The following PCMT1 variants were observed in gnomAD, a reference collection of about 807,000 sequenced individuals.
The protein encoded by PCMT1 is protein-L-isoaspartate(D-aspartate) O-methyltransferase.
Under a neutral mutation model 29.2 loss-of-function variants are expected in PCMT1, and 9 were observed. The observed-to-expected ratio is 0.31, with a 90% CI of 0.19 to 0.54. The LOEUF (loss-of-function observed/expected upper bound fraction) is 0.54, where lower values mean the gene tolerates loss of function less well. PCMT1 is among the 20% of genes least tolerant of loss of function. The pLI is 0.95. For missense variants in PCMT1, 184 were observed against 282.2 expected (o/e 0.65, Z 2.49); for synonymous variants, 98 against 97.5 (o/e 1.00, Z -0.03).
chr6:149,776,527 T>G (rs1245293656), intron 3 of PCMT1, among the ~76,000 whole-genome samples: 2 of 152,234 alleles, frequency 1.3e-5, no homozygotes, highest in East Asian at 3.9e-4. Flanking sequence ...TCCACCCGCC[T>G]TGGCCTCCCA....
intron 1 of PCMT1, among the ~76,000 whole-genome samples, chr6:149,761,026 A>AGTGTGT (rs57501586): frequency 4.1e-4 from 62 of 149,750 alleles, no homozygotes; most frequent in African/African-American, 1.3e-3. Flanking sequence ...CAGGTAAAAA[A>AGTGTGT]GTGTGTGTGT....
intron 1 of PCMT1, among the ~76,000 whole-genome samples, chr6:149,761,931 A>G (rs556980038): frequency 1.3e-5 from 2 of 152,314 alleles, no homozygotes; most frequent in South Asian, 2.1e-4. Context: ...GATGTAGTGT[A>G]TTGAGTTTAT....
intron 4 of PCMT1, among the ~76,000 whole-genome samples, chr6:149,790,493 T>C (rs1462894780): frequency 1.3e-5 from 2 of 151,374 alleles, no homozygotes; most frequent in Non-Finnish European, 2.9e-5. Context: ...CAGAAAAGAA[T>C]AGAATAAGCC....
intron 4 of PCMT1, among the ~76,000 whole-genome samples, chr6:149,790,516 C>CTTT (rs80356200): frequency 8.0e-5 from 11 of 137,220 alleles, no homozygotes; most frequent in African/African-American, 2.1e-4. Context: ...GTTTTCTTTT[C>CTTT]TTTTTTTTTT....
chr6:149,764,287 C>G (rs1318453580), intron 1 of PCMT1, among the ~76,000 whole-genome samples: 4 of 152,140 alleles, frequency 2.6e-5, no homozygotes, highest in African/African-American at 9.7e-5. Context: ...CTTAACTAGT[C>G]TTTCTAACCT....
At chr6:149,786,089 C>G (rs1414531402) in intron 3 of PCMT1, among the ~76,000 whole-genome samples, 1 of 142,452 alleles carries the variant, frequency 7.0e-6, no homozygotes, top group Non-Finnish European at 1.5e-5. Context: ...CAGAGGAGCT[C>G]CTCCTTCCCA....
In PCMT1 at chr6:149,810,706, C is replaced by T; in HGVS notation, c.*128C>T. On this transcript the variant is annotated 3_prime_UTR_variant, in exon 8 of 8. Transcript: ENST00000464889. ...CCTCAAAGCTTTTTGAAAACCAACA[C>T]CATCACAGCTTGTTTTGGACTTTGT... The T allele has an allele frequency of 1.9e-6, 2 of 1,060,350 alleles. No homozygotes were observed. The highest frequency in any genetic ancestry group is 2.8e-6 in the Non-Finnish European group (2 of 705,658). The allele number at this position is 1,060,350 out of a possible 1,614,324, so 65.7% of individuals were successfully genotyped here.
At position 149,762,903 on chromosome 6, in the gene PCMT1, T is replaced by TATATCTATGATATATATATCTATG. The variant is rs1786871914; in HGVS notation, c.56-8254_56-8231dup. Among the ~76,000 whole-genome samples, 2 of 58,742 alleles carry TATATCTATGATATATATATCTATG rather than the reference T, an allele frequency of 3.4e-5. 1 individual carries two copies. Among genetic ancestry groups the TATATCTATGATATATATATCTATG allele is most frequent in the South Asian group, 1.0e-3 (2 of 1,960 alleles). 38.5% of individuals were successfully genotyped at this position (58,742 alleles called of 152,430 possible). A position where few individuals can be genotyped will look rare whatever the true frequency, so the allele number is the denominator to read the frequency against. On this transcript the variant is annotated intron_variant, in intron 1 of 7. Transcript: ENST00000464889. ...ATATATGTTATATATATCTATGATA[T>TATATCTATGATATATATATCTATG]ATATCTATGATATATATATCTATGA... is the stretch of plus-strand genomic sequence containing the variant.
chr6:149,758,504 C>T (rs1786610784), intron 1 of PCMT1, among the ~76,000 whole-genome samples: 1 of 152,002 alleles, frequency 6.6e-6, no homozygotes, highest in Admixed American at 6.6e-5. Flanking sequence ...GCCACTGCAC[C>T]TGGCCCAATT....
intron 1 of PCMT1, among the ~76,000 whole-genome samples, chr6:149,756,982 C>G (rs1317500119): frequency 1.3e-5 from 2 of 151,844 alleles, no homozygotes; most frequent in African/African-American, 2.4e-5. Context: ...ATGCGAAAAC[C>G]CGTCTCTACT....
At chr6:149,779,353 C>A (rs1416405103) in intron 3 of PCMT1, among the ~76,000 whole-genome samples, 2 of 152,150 alleles carry the variant, frequency 1.3e-5, no homozygotes, top group African/African-American at 4.8e-5. Flanking sequence ...CCACAAACTG[C>A]TTAAAAGGTG....
intron 5 of PCMT1, chr6:149,795,356 C>T (rs1287550112): frequency 5.1e-6 from 2 of 392,672 alleles, no homozygotes; most frequent in Non-Finnish European, 9.9e-6. Flanking sequence ...ACTAGTCAGT[C>T]AAGTTTAGAT....
intron 2 of PCMT1, 77 bp from the exon 3 acceptor site, chr6:149,773,061 G>A: frequency 9.3e-7 from 1 of 1,076,876 alleles, no homozygotes; most frequent in Non-Finnish European, 1.4e-6. Flanking sequence ...ATAACGTATG[G>A]ATGGTAGAAA....
chr6:149,809,565 T>A (rs1434693798), intron 7 of PCMT1, among the ~76,000 whole-genome samples: 4 of 152,280 alleles, frequency 2.6e-5, no homozygotes, highest in East Asian at 3.9e-4. Context: ...TTGCACAATT[T>A]ACAAAATTTA....
rs1206088190 is a variant in PCMT1, at chr6:149,749,751, C to T, written c.-151C>T. On this transcript the variant is annotated 5_prime_UTR_variant, in exon 1 of 8. Coordinates refer to ENST00000464889, the MANE Select transcript of PCMT1 (RefSeq NM_001360452.2). ...GGATGCCGGGAGCGCGCAGTGGCGG[C>T]AGCGGCGGCGACGGCAGTAACAGCG... is the stretch of plus-strand genomic sequence containing the variant. The T allele has an allele frequency of 3.9e-6, 6 of 1,545,542 alleles. No individual in the cohort carries two copies. In the African/African-American group the frequency reaches 5.5e-5, roughly 14 times the overall value.
intron 1 of PCMT1, among the ~76,000 whole-genome samples, chr6:149,752,722 T>G (rs1437384691): frequency 1.3e-5 from 2 of 152,226 alleles, no homozygotes; most frequent in African/African-American, 2.4e-5. Flanking sequence ...GTACACAAAT[T>G]GTGATTAAGT....
intron 1 of PCMT1, among the ~76,000 whole-genome samples, chr6:149,752,678 C>G (rs1197936723): frequency 2.6e-5 from 4 of 152,110 alleles, no homozygotes; most frequent in African/African-American, 4.8e-5. Flanking sequence ...GATCTCAGTG[C>G]CTTCTATTGC....
intron 6 of PCMT1, among the ~76,000 whole-genome samples, chr6:149,799,964 C>A (rs114677728): frequency 6.6e-6 from 1 of 151,974 alleles, no homozygotes; most frequent in Non-Finnish European, 1.5e-5. Context: ...CCTTATCTAG[C>A]GTATGTTTTG....
intron 7 of PCMT1, among the ~76,000 whole-genome samples, chr6:149,804,386 A>G (rs1471397253): frequency 1.3e-5 from 2 of 152,202 alleles, no homozygotes; most frequent in Non-Finnish European, 2.9e-5. Context: ...ATTATGAAGG[A>G]ATTATAAAAA....
Sources: gnomAD v4.1 joint callset for allele counts (sites outside exome capture counted in the v4.1 genomes callset) on GRCh38, gnomAD v4.1.1 for gene constraint, MANE v1.5 for transcripts, NCBI Gene and HGNC (gene_info 2026-07-23, HGNC 2026-07-21) for gene names.